Variants in TMEM230 observed in about 807,000 individuals in gnomAD.
TMEM230 encodes UPF0414 transmembrane protein C20orf30.
In TMEM230, 10 loss-of-function variants were observed where a neutral mutation model predicts 15.8. The ratio of observed to expected loss-of-function variants is 0.63; its 90% CI spans 0.39 to 1.07. The LOEUF (loss-of-function observed/expected upper bound fraction) is 1.07, where lower values mean the gene tolerates loss of function less well. Among genes scored for constraint, TMEM230 ranks in the 50% least tolerant of loss-of-function variants. The probability of loss-of-function intolerance (pLI) is 0.01; values close to 1 mark genes in which losing one functional copy is unlikely to be tolerated. For missense variants in TMEM230, 165 were observed against 193.3 expected, an observed-to-expected ratio of 0.85 and a Z score of 0.87; for synonymous variants, 67 against 76.9, an observed-to-expected ratio of 0.87 and a Z score of 0.68.
At chr20:5,105,981 G>A (rs556205719) in intron 4 of TMEM230, among the ~76,000 whole-genome samples, 18 of 152,058 alleles carry the variant, frequency 1.2e-4, no homozygotes, top group Admixed American at 8.5e-4. Context: ...TGAGAGGATC[G>A]CTTGAGCCCA....
chr20:5,066,569 G>A (rs1372573405), downstream of TMEM230, among the ~76,000 whole-genome samples: 2 of 151,804 alleles, frequency 1.3e-5, no homozygotes, highest in East Asian at 1.9e-4. Context: ...CTACTTGGGA[G>A]GCTGAAGCAG....
At chr20:5,067,786 G>A (rs1182653868), downstream of TMEM230, among the ~76,000 whole-genome samples, 2 of 143,018 alleles carry the variant, frequency 1.4e-5, no homozygotes, top group African/African-American at 5.2e-5. Context: ...TTAAGACAGA[G>A]TCTCACTCTG....
intron 1 of TMEM230, 87 bp downstream of exon 1, chr20:5,112,874 C>T: frequency 6.5e-7 from 1 of 1,548,048 alleles, no homozygotes; most frequent in Non-Finnish European, 8.7e-7. Context: ...TGACTCGGAG[C>T]TTGATTTCGG....
chr20:5,066,788 C>T (rs558154252), downstream of TMEM230, among the ~76,000 whole-genome samples: 23 of 152,206 alleles, frequency 1.5e-4, no homozygotes, highest in African/African-American at 5.3e-4. Flanking sequence ...GACAGAACTT[C>T]GCTGACCCGG....
chr20:5,107,380 C>G (rs1037457542), intron 3 of TMEM230, among the ~76,000 whole-genome samples: 1 of 152,086 alleles, frequency 6.6e-6, no homozygotes, highest in African/African-American at 2.4e-5. Context: ...GTCCTACCAC[C>G]CAGTGCAGCT....
At chr20:5,073,121 C>T (rs1329223191) in intron 3 of TMEM230, among the ~76,000 whole-genome samples, 1 of 152,106 alleles carries the variant, frequency 6.6e-6, no homozygotes, top group East Asian at 1.9e-4. Context: ...CCTTGGGAAG[C>T]TGTGGGGTGT....
downstream of TMEM230, among the ~76,000 whole-genome samples, chr20:5,097,969 ATTTTTTTTTT>A (rs5840073): frequency 0.032 from 2,132 of 67,362 alleles, 69 homozygotes; most frequent in African/African-American, 0.12. Context: ...CTAACTCAGG[ATTTTTTTTTT>A]TTTTTTTTTT....
intron 2 of TMEM230, among the ~76,000 whole-genome samples, 168 bp from the exon 2 acceptor site, chr20:5,109,613 C>T (rs544791849): frequency 6.6e-6 from 1 of 152,214 alleles, no homozygotes; most frequent in Admixed American, 6.5e-5. Context: ...GTGTCAGAGG[C>T]ATATGCATAT....
chr20:5,111,909 C>T lies in TMEM230; in HGVS notation c.69-304G>A, dbSNP rs868107999. ...TCACCCAGGCTAGAGTTTAGGGACCCGATCTCAGCTCACTGCAACCTCCGC... is the reference window on the plus strand; with the variant it reads ...TCACCCAGGCTAGAGTTTAGGGACCTGATCTCAGCTCACTGCAACCTCCGC... On this transcript the variant is annotated intron_variant, in intron 1 of 4. Transcript: ENST00000342308. 6 of 430,892 alleles carry T rather than the reference C, an allele frequency of 1.4e-5. No individual in the cohort carries two copies. The Middle Eastern group carries it at 3.7e-3, about 268-fold the overall frequency. 26.7% of individuals were successfully genotyped at this position (430,892 alleles called of 1,614,324 possible).
chr20:5,063,911 G>A (rs2088629033), downstream of TMEM230, among the ~76,000 whole-genome samples: 1 of 152,092 alleles, frequency 6.6e-6, no homozygotes, highest in African/African-American at 2.4e-5. Context: ...GTCAAAATCT[G>A]GAAAATGTGG....
chr20:5,088,433 T>C (rs558422174), intron 3 of TMEM230, among the ~76,000 whole-genome samples: 1 of 152,050 alleles, frequency 6.6e-6, no homozygotes, highest in East Asian at 1.9e-4. Context: ...TGTTCGTGTC[T>C]CCTAACTCAG....
At position 5,106,074 on chromosome 20, in the gene TMEM230, GACAAACACACACAC is replaced by G. The variant is rs1454683504; in HGVS notation, c.411+100_411+113del. 1,612 of 1,170,138 alleles carry G rather than the reference GACAAACACACACAC, an allele frequency of 1.4e-3. 11 individuals are homozygous for G. Among genetic ancestry groups the G allele is most frequent in the African/African-American group, 0.01 (601 of 59,788 alleles). 72.5% of individuals were successfully genotyped at this position (1,170,138 alleles called of 1,614,324 possible). On this transcript the variant is annotated intron_variant, in intron 4 of 4. Transcript: ENST00000342308. ...TCAAAAAAAACAGACCACTGGGACG[GACAAACACACACAC>G]ACACACACACACACACACACACACA...
Position 5,109,460 on chromosome 20 carries a change from CA to C in TMEM230, c.175-16del. ...CGCTGACACAGCTACAGTTTAAAAA[CA>C]AAAAACCCGTTATTGTCTGTAGATG... On this transcript the variant is annotated splice_polypyrimidine_tract_variant and intron_variant, in intron 2 of 4. Coordinates refer to ENST00000342308, the MANE Select transcript of TMEM230 (RefSeq NM_001009923.2). 6.3e-7 allele frequency: 1 copy of C among 1,596,418 alleles called. No individual in the cohort carries two copies. Among genetic ancestry groups the C allele is most frequent in the Non-Finnish European group, 8.6e-7 (1 of 1,165,270 alleles).
intron 3 of TMEM230, 38 bp from the exon 3 acceptor site, chr20:5,106,348 C>A (rs1242103682): frequency 2.6e-6 from 4 of 1,562,900 alleles, no homozygotes; most frequent in Non-Finnish European, 3.5e-6. Flanking sequence ...CAACGAAGAA[C>A]ATTAATGCAA....
intron 3 of TMEM230, among the ~76,000 whole-genome samples, chr20:5,092,220 T>C (rs2122662425): frequency 6.6e-6 from 1 of 152,254 alleles, no homozygotes; most frequent in Middle Eastern, 3.4e-3. Context: ...GGTGGGGAGA[T>C]GAAAACACCA....
intron 3 of TMEM230, among the ~76,000 whole-genome samples, chr20:5,082,825 G>A (rs1314480953): frequency 6.6e-6 from 1 of 152,078 alleles, no homozygotes; most frequent in African/African-American, 2.4e-5. Flanking sequence ...CAAAATGATA[G>A]ACGTTAGTGG....
At chr20:5,099,115 C>G (rs2089751753), downstream of TMEM230, among the ~76,000 whole-genome samples, 1 of 151,688 alleles carries the variant, frequency 6.6e-6, no homozygotes, top group South Asian at 2.1e-4. Flanking sequence ...CACTTGAGCC[C>G]AGGAATTCAA....
At chr20:5,086,778 T>C (rs919907405) in intron 3 of TMEM230, among the ~76,000 whole-genome samples, 3 of 151,886 alleles carry the variant, frequency 2.0e-5, no homozygotes, top group African/African-American at 7.3e-5. Context: ...CAACTCACTG[T>C]AGCCTCAACC....
At position 5,074,357 on chromosome 20, in the gene TMEM230, C is replaced by T. The variant is rs1379505330; in HGVS notation, c.223-5008G>A. The stretch of plus-strand genomic sequence containing the variant: ...TGGAGATGGTACCAAGATGAATCTG[C>T]GTAAATGAACCTTACTAGATACCCC... On this transcript the variant is annotated intron_variant, in intron 3 of 3. Coordinates refer to the TMEM230 transcript ENST00000612323. Among the ~76,000 whole-genome samples, 8 of 152,152 alleles carry T rather than the reference C, an allele frequency of 5.3e-5. No homozygotes were observed. The East Asian group carries it at 1.2e-3, about 22-fold the overall frequency.
Sources: gnomAD v4.1 joint callset for allele counts (sites outside exome capture counted in the v4.1 genomes callset) on GRCh38, gnomAD v4.1.1 for gene constraint, MANE v1.5 for transcripts, NCBI Gene and HGNC (gene_info 2026-07-23, HGNC 2026-07-21) for gene names.